The following RBM10 variants were observed in gnomAD, a reference collection of about 807,000 sequenced individuals.
RBM10 encodes RNA-binding protein 10.
A neutral mutation model predicts 84.9 loss-of-function variants in RBM10; 1 was observed. That is an observed-to-expected ratio of 0.01 (90% CI 0.00 to 0.06). The LOEUF (loss-of-function observed/expected upper bound fraction) is 0.06. Among genes scored for constraint, RBM10 ranks in the 10% least tolerant of loss-of-function variants. The pLI is 1.00. For missense variants in RBM10, 438 were observed against 839.0 expected, an observed-to-expected ratio of 0.52 and a Z score of 5.90; for synonymous variants, 326 against 344.5, an observed-to-expected ratio of 0.95 and a Z score of 0.60.
At chrX:47,145,846 G>A (rs1932139360) in intron 1 of RBM10, among the ~76,000 whole-genome samples, 1 of 102,895 alleles carries the variant, frequency 9.7e-6, no homozygotes, top group Admixed American at 1.1e-4. Flanking sequence ...GCTGCTCTGT[G>A]TTACTCTGGT....
chrX:47,175,451 C>T (rs1410441084), intron 6 of RBM10, among the ~76,000 whole-genome samples: 1 of 110,771 alleles, frequency 9.0e-6, no homozygotes, highest in Non-Finnish European at 1.9e-5. Context: ...CTGGGGTTAG[C>T]CAGAGCCAGG....
chrX:47,145,948 G>A (rs987087437), intron 1 of RBM10, among the ~76,000 whole-genome samples: 1 of 105,626 alleles, frequency 9.5e-6, no homozygotes, highest in African/African-American at 3.5e-5. Flanking sequence ...TACCCTTTGA[G>A]GGGGGGCGGT....
chrX:47,146,159 G>A (rs1244661041), intron 1 of RBM10, among the ~76,000 whole-genome samples: 1 of 111,200 alleles, frequency 9.0e-6, no homozygotes, highest in Non-Finnish European at 1.9e-5. Flanking sequence ...GGTCCTTACT[G>A]TGTGTTCCTT....
At chrX:47,150,855 A>G (rs1354367920) in intron 2 of RBM10, among the ~76,000 whole-genome samples, 1 of 112,035 alleles carries the variant, frequency 8.9e-6, no homozygotes. Flanking sequence ...CAAAAACAAC[A>G]AGAATTTTGA....
intron 2 of RBM10, chrX:47,157,889 C>T (rs1225443673): frequency 1.4e-5 from 4 of 278,983 alleles, no homozygotes; most frequent in African/African-American, 2.8e-5. Context: ...AAGCGATTCT[C>T]CTCCCTCAGC....
chrX:47,182,086 G>A (rs1556780120), intron 16 of RBM10, 44 bp downstream of exon 16: 23 of 1,210,915 alleles, frequency 1.9e-5, no homozygotes, highest in East Asian at 3.0e-5. Flanking sequence ...GTCAGGTCGC[G>A]TCAGGAACAG....
chrX:47,180,259 C>T lies in RBM10; in HGVS notation c.1110C>T (p.Leu370=), dbSNP rs1556778398. 3 of 1,205,109 alleles carry T rather than the reference C, an allele frequency of 2.5e-6. No individual in the cohort carries two copies. Among genetic ancestry groups the T allele is most frequent in the Admixed American group, 4.4e-5 (2 of 45,459 alleles). Residue 370 remains leucine, a synonymous_variant, in exon 11 of 24, where the codon CTC becomes CTT. Transcript: ENST00000377604. ...TCCTGCAGGCCCTGCACCCACCACT[C>T]ACTATCGACGGCAAGACCATCAATG... The part of the protein sequence containing the change: ...LQILQALHPP[L]TIDGKTINVE...
At chrX:47,175,425 G>C (rs1234975740) in intron 6 of RBM10, among the ~76,000 whole-genome samples, 1 of 110,487 alleles carries the variant, frequency 9.1e-6, no homozygotes, top group African/African-American at 3.3e-5. Context: ...GGGGCTGGTG[G>C]GGGGGGCACC....
At chrX:47,168,267 G>A in intron 2 of RBM10, among the ~76,000 whole-genome samples, 1 of 111,836 alleles carries the variant, frequency 8.9e-6, no homozygotes, top group East Asian at 2.8e-4. Context: ...ACACAGATTA[G>A]GCCATGCACA....
chrX:47,146,367 G>A (rs1180528172), intron 1 of RBM10, among the ~76,000 whole-genome samples: 3 of 111,748 alleles, frequency 2.7e-5, no homozygotes, highest in Non-Finnish European at 5.7e-5. Flanking sequence ...GGCTTGAGGA[G>A]GAAGAGAAAA....
At position 47,185,796 on chromosome X, in the gene RBM10, G is replaced by T. The variant is rs782707110; in HGVS notation, c.2430+6G>T. 5.0e-6 allele frequency: 6 copies of T among 1,208,606 alleles called. No individual in the cohort carries two copies. ...TAGAGAAGAATGACATGGAGGTGAGGTGTGACCTGACCCTGGGCTCCCTCC... is the reference window on the plus strand; with the variant it reads ...TAGAGAAGAATGACATGGAGGTGAGTTGTGACCTGACCCTGGGCTCCCTCC... On this transcript the variant is annotated splice_donor_region_variant and intron_variant, in intron 21 of 23. Transcript: ENST00000377604.
chrX:47,171,186 T>G lies in RBM10; in HGVS notation c.360T>G (p.Asp120Glu), dbSNP rs377667483. The G allele has an allele frequency of 6.9e-5, 83 of 1,197,223 alleles. No individual in the cohort carries two copies. Among genetic ancestry groups the G allele is most frequent in the South Asian group, 6.3e-4 (35 of 55,482 alleles). The change falls in exon 4 of 24, where the codon GAT (aspartate) becomes GAG (glutamate). Residue 120 changes from aspartate (D) to glutamate (E), a missense_variant. Asp to Glu is a conservative substitution (Grantham distance 45). Coordinates refer to ENST00000377604, the MANE Select transcript of RBM10 (RefSeq NM_005676.5). ...GGGAGGAGGAGGAGGAGGAGGAGGA[T>G]GAGGAGGAGGAGGAGAAGGCCAGTA... ...EQGEEEEEEE[D>E]EEEEEKASNI...
At chrX:47,152,812 C>CACACGT (rs1569169544) in intron 2 of RBM10, among the ~76,000 whole-genome samples, 1 of 105,562 alleles carries the variant, frequency 9.5e-6, no homozygotes, top group Non-Finnish European at 1.9e-5. Context: ...CACACACACA[C>CACACGT]ACACGTTTTT....
chrX:47,186,261 C>T lies in RBM10; in HGVS notation c.2541C>T (p.Asp847=). 3 of 1,210,024 alleles carry T rather than the reference C, an allele frequency of 2.5e-6. No homozygotes were observed. The highest frequency in any genetic ancestry group is 3.5e-5 in the South Asian group (2 of 56,706). ...KYGGISTASV[D]FEQPTRDGLG... ...ATGCTGTGCACCGCCCCTGCAGAGA[C>T]TTCGAGCAGCCTACTCGGGACGGGC... The change falls in exon 23 of 24, where the codon GAC becomes GAT. Residue 847 remains aspartate (D), a synonymous_variant. Transcript: ENST00000377604.
chrX:47,178,848 AGTT>A (rs1197799405), intron 7 of RBM10, among the ~76,000 whole-genome samples: 2 of 111,429 alleles, frequency 1.8e-5, no homozygotes, highest in Non-Finnish European at 3.8e-5. Context: ...GAGAGGAGGG[AGTT>A]GTTGTACCAA....
At position 47,173,187 on chromosome X, in the gene RBM10, C is replaced by T; in HGVS notation, c.492C>T (p.Asn164=). 8.2e-7 allele frequency: 1 copy of T among 1,212,313 alleles called. No homozygotes were observed. The highest frequency in any genetic ancestry group is 1.1e-6 in the Non-Finnish European group (1 of 895,650). Residue 164 remains asparagine, a synonymous_variant, in exon 5 of 24, where the codon AAC becomes AAT. Transcript: ENST00000377604. ...VQAREVRLMR[N]KSSGQSRGFA... Reference sequence around the variant, plus strand: ...CACGGGAGGTTCGGCTGATGCGGAACAAATCTTCAGGTGAGCTTTTGTTCT... The same window carrying T: ...CACGGGAGGTTCGGCTGATGCGGAATAAATCTTCAGGTGAGCTTTTGTTCT...
chrX:47,172,815 G>A (rs369557011), intron 4 of RBM10, among the ~76,000 whole-genome samples: 5 of 112,491 alleles, frequency 4.4e-5, no homozygotes, highest in South Asian at 7.3e-4. Flanking sequence ...CCTGCCCACC[G>A]TTCTTAAGTG....
At chrX:47,179,808 A>G in intron 9 of RBM10, 72 bp from the exon 10 acceptor site, 1 of 1,104,331 alleles carries the variant, frequency 9.1e-7, no homozygotes, top group Non-Finnish European at 1.2e-6. Flanking sequence ...GAAAGGGAGC[A>G]GTGGGGGCAT....
rs1932012371 is a variant in RBM10, at chrX:47,145,308, A to G, written c.-303A>G. 1.5e-6 allele frequency: 1 copy of G among 666,460 alleles called. No individual in the cohort carries two copies. Among genetic ancestry groups the G allele is most frequent in the Non-Finnish European group, 2.3e-6 (1 of 428,929 alleles). 54.9% of individuals were successfully genotyped at this position (666,460 alleles called of 1,213,427 possible). On this transcript the variant is annotated 5_prime_UTR_variant, in exon 1 of 24. Coordinates refer to ENST00000377604, the MANE Select transcript of RBM10 (RefSeq NM_005676.5). ...CTGTGGCCGGCTGGGAGTAGGCGGC[A>G]GTGAGTTTCCCTGGGAGGGCAGCGC...
Sources: allele counts gnomAD v4.1 joint callset (sites outside exome capture counted in the v4.1 genomes callset), GRCh38; gene constraint gnomAD v4.1.1; transcripts MANE v1.5; gene names NCBI Gene and HGNC (gene_info 2026-07-23, HGNC 2026-07-21).